The following WWC2 variants were observed in gnomAD, a reference collection of about 807,000 sequenced individuals.
WWC2 encodes the protein protein WWC2.
WWC2 carries 101 observed loss-of-function variants against 138.5 expected under a neutral mutation model. The ratio of observed to expected loss-of-function variants is 0.73; its 90% confidence interval spans 0.62 to 0.86. WWC2 has a LOEUF of 0.86. Among genes scored for constraint, WWC2 ranks in the 40% least tolerant of loss-of-function variants. WWC2 has a pLI of 0.00. For missense variants in WWC2, 1,420 were observed against 1,419.4 expected (o/e 1.00, Z -0.01); for synonymous variants, 558 against 538.4 (o/e 1.04, Z -0.50).
rs113846178 is a variant in WWC2 at position 183,114,925 on chromosome 4, G to A, written c.131+15303G>A. Among the ~76,000 whole-genome samples the A allele has an allele frequency of 7.7e-3, 1,165 of 152,234 alleles. 11 individuals carry two copies. Among genetic ancestry groups the A allele is most frequent in the Non-Finnish European group, 0.012 (820 of 68,010 alleles). ...CAACCTCTGCCTCCCGGGTTCAAGC[G>A]ATTGTCATGCCTCAGCCTCCTAAGT... On this transcript the variant is annotated intron_variant, in intron 1 of 22. Coordinates refer to ENST00000403733, the MANE Select transcript of WWC2 (RefSeq NM_024949.6).
At chr4:183,308,306 A>G (rs1449500476) in intron 21 of WWC2, among the ~76,000 whole-genome samples, 2 of 152,194 alleles carry the variant, frequency 1.3e-5, no homozygotes, top group African/African-American at 4.8e-5. Flanking sequence ...TCTCAAATCA[A>G]TCTATAGATT....
intron 1 of WWC2, among the ~76,000 whole-genome samples, chr4:183,132,244 T>G (rs1343511789): frequency 1.3e-5 from 2 of 152,174 alleles, no homozygotes; most frequent in Non-Finnish European, 2.9e-5. Flanking sequence ...CATTCAGTAC[T>G]AGCTCAGACT....
intron 4 of WWC2, among the ~76,000 whole-genome samples, chr4:183,221,947 G>A (rs965529795): frequency 6.6e-6 from 1 of 152,168 alleles, no homozygotes; most frequent in Non-Finnish European, 1.5e-5. Context: ...CGAATTCAGT[G>A]TAAATATTTA....
intron 4 of WWC2, among the ~76,000 whole-genome samples, chr4:183,215,439 C>A (rs542128279): frequency 4.0e-5 from 6 of 150,816 alleles, no homozygotes; most frequent in Admixed American, 3.3e-4. Flanking sequence ...ACTTGACTTA[C>A]ATTCGCAAGA....
Position 183,257,702 on chromosome 4 carries a change from G to A in WWC2, c.1197-1937G>A, listed in dbSNP as rs553122136. Among the ~76,000 whole-genome samples, 4 of 152,282 alleles carry A rather than the reference G, an allele frequency of 2.6e-5. No individual in the cohort carries two copies. In the South Asian group the frequency reaches 8.3e-4, roughly 32 times the overall value. ...GAGGAAGACTTCAGGCTTTCGCTAGGAGAGGCTTTGGTGATAACATCAGAG... is the reference window on the plus strand; with the variant it reads ...GAGGAAGACTTCAGGCTTTCGCTAGAAGAGGCTTTGGTGATAACATCAGAG... On this transcript the variant is annotated intron_variant, in intron 9 of 22. Coordinates refer to ENST00000403733, the MANE Select transcript of WWC2 (RefSeq NM_024949.6).
chr4:183,224,084 C>CAA (rs1736003639), intron 4 of WWC2, among the ~76,000 whole-genome samples: 1 of 152,140 alleles, frequency 6.6e-6, no homozygotes, highest in African/African-American at 2.4e-5. Flanking sequence ...CAAAACAAAA[C>CAA]AAAACTAGGT....
chr4:183,299,076 T>G (rs374204591), intron 21 of WWC2, among the ~76,000 whole-genome samples: 12 of 152,132 alleles, frequency 7.9e-5, no homozygotes, highest in African/African-American at 2.9e-4. Flanking sequence ...TTTCTCACAG[T>G]TCGGGAGGCT....
rs762352006 is a variant in WWC2 at position 183,261,093 on chromosome 4, G to A, written c.1470G>A (p.Leu490=). The part of the protein sequence containing the change: ...VDYQYKLDFL[L]QEKSGYIPSG... ...ATCAGTATAAACTGGACTTCCTTCTGCAAGAGAAAAGCGGTTACATTCCTT... is the reference window on the plus strand; with the variant it reads ...ATCAGTATAAACTGGACTTCCTTCTACAAGAGAAAAGCGGTTACATTCCTT... Residue 490 remains leucine (L), a synonymous_variant, in exon 11 of 23, where the codon CTG becomes CTA. Coordinates refer to ENST00000403733, the MANE Select transcript of WWC2 (RefSeq NM_024949.6). 1.2e-6 allele frequency: 2 copies of A among 1,613,982 alleles called. No homozygotes were observed. The highest frequency in any genetic ancestry group is 1.7e-6 in the Non-Finnish European group (2 of 1,179,880).
intron 1 of WWC2, among the ~76,000 whole-genome samples, chr4:183,107,235 G>A (rs1307733573): frequency 6.6e-6 from 1 of 151,388 alleles, no homozygotes; most frequent in Non-Finnish European, 1.5e-5. Context: ...GGCTCACTGC[G>A]GCTTCCACCT....
In WWC2 at chr4:183,269,158, T is replaced by C. The variant is rs1251361023; in HGVS notation, c.2395T>C (p.Cys799Arg). 4 of 1,608,648 alleles carry C rather than the reference T, an allele frequency of 2.5e-6. No individual in the cohort carries two copies. In the East Asian group the frequency reaches 8.9e-5, roughly 36 times the overall value. Residue 799 changes from cysteine to arginine, a missense_variant, in exon 15 of 23, where the codon TGC (cysteine) becomes CGC (arginine). Transcript: ENST00000403733. ...CSVSKHRREE[C>R]LAGTQISLAD... ...TGTCAGTAAACACCGAAGGGAAGAA[T>C]GCCTGGTAGGATTCTTCATAATTCC...
chr4:183,273,354 G>C (rs1360870548), intron 16 of WWC2, among the ~76,000 whole-genome samples: 2 of 151,848 alleles, frequency 1.3e-5, no homozygotes, highest in South Asian at 2.1e-4. Flanking sequence ...GCCCAGGCTG[G>C]AGTACAATGG....
chr4:183,292,596 C>A (rs1219118171), intron 21 of WWC2, among the ~76,000 whole-genome samples: 1 of 149,428 alleles, frequency 6.7e-6, no homozygotes, highest in Admixed American at 6.6e-5. Flanking sequence ...ATAGAAAATC[C>A]TATAACTCTT....
intron 2 of WWC2, among the ~76,000 whole-genome samples, chr4:183,195,452 A>G (rs1311783834): frequency 1.3e-5 from 2 of 152,146 alleles, no homozygotes; most frequent in Non-Finnish European, 2.9e-5. Context: ...CCTCTTTCTC[A>G]GTGAAGGAGG....
At chr4:183,314,488 A>G (rs112683982) in intron 22 of WWC2, among the ~76,000 whole-genome samples, 30 of 152,308 alleles carry the variant, frequency 2.0e-4, no homozygotes, top group African/African-American at 7.2e-4. Context: ...TGGGATTTGC[A>G]CGGCTACCGT....
chr4:183,118,490 G>T (rs1732497634), intron 1 of WWC2, among the ~76,000 whole-genome samples: 1 of 152,134 alleles, frequency 6.6e-6, no homozygotes, highest in Non-Finnish European at 1.5e-5. Flanking sequence ...TTGAGATCAA[G>T]TTTGTGAATT....
At chr4:183,245,334 A>G (rs1736741049) in intron 5 of WWC2, 82 bp from the exon 6 acceptor site, 5 of 1,289,308 alleles carry the variant, frequency 3.9e-6, no homozygotes, top group African/African-American at 3.1e-5. Flanking sequence ...AACTGAGACA[A>G]TTCCAAACCA....
chr4:183,118,516 G>C (rs1732497986), intron 1 of WWC2, among the ~76,000 whole-genome samples: 1 of 152,162 alleles, frequency 6.6e-6, no homozygotes, highest in African/African-American at 2.4e-5. Flanking sequence ...TAAATGCCTA[G>C]ATTATGCATG....
At chr4:183,255,748 T>C (rs1371031999) in intron 9 of WWC2, among the ~76,000 whole-genome samples, 1 of 152,158 alleles carries the variant, frequency 6.6e-6, no homozygotes, top group East Asian at 1.9e-4. Context: ...ACTCATGATA[T>C]AACATTAAAG....
At chr4:183,145,619 C>CT (rs961957977) in intron 1 of WWC2, among the ~76,000 whole-genome samples, 5 of 152,288 alleles carry the variant, frequency 3.3e-5, no homozygotes, top group African/African-American at 9.6e-5. Flanking sequence ...GGAGCAACTT[C>CT]TTCAGGAAGT....
Sources: gnomAD v4.1 joint callset for allele counts (sites outside exome capture counted in the v4.1 genomes callset) on GRCh38, gnomAD v4.1.1 for gene constraint, MANE v1.5 for transcripts, NCBI Gene and HGNC (gene_info 2026-07-23, HGNC 2026-07-21) for gene names.